CNTNAP4: variants seen among roughly 807,000 people sequenced by gnomAD.
CNTNAP4 encodes contactin associated protein family member 4, also known as contactin-associated protein-like 4.
In CNTNAP4, 98 loss-of-function variants were observed where a neutral mutation model predicts 148.4. The ratio of observed to expected loss-of-function variants is 0.66; its 90% CI spans 0.56 to 0.78. CNTNAP4 has a LOEUF of 0.78. Ranked by LOEUF, CNTNAP4 falls within the 30% of genes least tolerant of loss-of-function variation. The pLI, the probability that CNTNAP4 is intolerant of heterozygous loss-of-function variation, is 0.00. For synonymous variants in CNTNAP4, 730 were observed against 565.1 expected (o/e 1.29, Z -4.14); for missense variants, 1,935 against 1,565.6 (o/e 1.24, Z -3.98).
intron 12 of CNTNAP4, among the ~76,000 whole-genome samples, chr16:76,484,588 G>C (rs774142814): frequency 6.6e-6 from 1 of 152,250 alleles, no homozygotes; most frequent in African/African-American, 2.4e-5. Flanking sequence ...AATGGGGGAG[G>C]TTAAGTGTAG....
At chr16:76,349,655 GTAAT>G (rs1965210843) in intron 2 of CNTNAP4, among the ~76,000 whole-genome samples, 1 of 152,104 alleles carries the variant, frequency 6.6e-6, no homozygotes, top group Non-Finnish European at 1.5e-5. Context: ...TGAAAAAAAA[GTAAT>G]TATCTTGGAG....
intron 2 of CNTNAP4, among the ~76,000 whole-genome samples, chr16:76,328,727 C>T (rs1240064967): frequency 6.6e-6 from 1 of 152,026 alleles, no homozygotes; most frequent in Non-Finnish European, 1.5e-5. Flanking sequence ...CTCACTGCAA[C>T]CTCCGCCTCC....
chr16:76,409,159 G>A (rs2078705226), intron 3 of CNTNAP4, among the ~76,000 whole-genome samples: 1 of 151,834 alleles, frequency 6.6e-6, no homozygotes, highest in African/African-American at 2.4e-5. Context: ...TGTAAAATAA[G>A]CCCTAATACT....
intron 21 of CNTNAP4, among the ~76,000 whole-genome samples, chr16:76,542,027 G>A (rs2084482060): frequency 1.3e-5 from 2 of 152,130 alleles, no homozygotes; most frequent in Non-Finnish European, 2.9e-5. Flanking sequence ...ATGAAATGAC[G>A]ATTCTACTTT....
chr16:76,283,087 A>G (rs969331792), intron 1 of CNTNAP4, among the ~76,000 whole-genome samples: 3 of 151,924 alleles, frequency 2.0e-5, no homozygotes, highest in African/African-American at 7.2e-5. Context: ...TTGTGATGAG[A>G]TTCGTGATCA....
chr16:76,543,636 G>C (rs2084557895), intron 21 of CNTNAP4, among the ~76,000 whole-genome samples: 1 of 152,224 alleles, frequency 6.6e-6, no homozygotes, highest in African/African-American at 2.4e-5. Context: ...TGCAGTCTAA[G>C]AAAGATTTAG....
intron 2 of CNTNAP4, among the ~76,000 whole-genome samples, chr16:76,330,415 A>G (rs530247954): frequency 3.9e-5 from 6 of 152,316 alleles, no homozygotes; most frequent in African/African-American, 1.4e-4. Context: ...TCTTCAATAA[A>G]TAAAATTTAA....
intron 12 of CNTNAP4, among the ~76,000 whole-genome samples, chr16:76,486,648 G>A (rs186091932): frequency 6.6e-6 from 1 of 152,290 alleles, no homozygotes; most frequent in Non-Finnish European, 1.5e-5. Flanking sequence ...AGATTTAAAG[G>A]CTTATCTCCC....
intron 3 of CNTNAP4, among the ~76,000 whole-genome samples, chr16:76,376,242 T>C (rs1437297919): frequency 6.6e-6 from 1 of 152,144 alleles, no homozygotes; most frequent in Non-Finnish European, 1.5e-5. Flanking sequence ...TTATCAGCAA[T>C]TCAGCTAAAA....
chr16:76,296,818 C>T (rs1249269043), intron 1 of CNTNAP4, among the ~76,000 whole-genome samples: 1 of 152,156 alleles, frequency 6.6e-6, no homozygotes. Context: ...ATACCCCAAG[C>T]ATTGAGAAGA....
At chr16:76,396,019 G>C (rs574352097) in intron 3 of CNTNAP4, among the ~76,000 whole-genome samples, 7 of 152,298 alleles carry the variant, frequency 4.6e-5, no homozygotes, top group East Asian at 3.9e-4. Context: ...ATGAGCCACT[G>C]TGTCTAGCCT....
chr16:76,484,708 C>G (rs978141524), intron 12 of CNTNAP4, among the ~76,000 whole-genome samples: 2 of 152,130 alleles, frequency 1.3e-5, no homozygotes, highest in Non-Finnish European at 2.9e-5. Context: ...ATAGATCAAG[C>G]ACTGGTCTCT....
At chr16:76,528,617 A>G (rs1439966469) in intron 17 of CNTNAP4, among the ~76,000 whole-genome samples, 4 of 152,162 alleles carry the variant, frequency 2.6e-5, no homozygotes, top group Admixed American at 2.6e-4. Flanking sequence ...CAATGAGACC[A>G]CGTGAAAGAA....
chr16:76,404,262 A>C (rs895097012), intron 3 of CNTNAP4, among the ~76,000 whole-genome samples: 6 of 152,166 alleles, frequency 3.9e-5, no homozygotes, highest in Admixed American at 2.0e-4. Flanking sequence ...AAAGAAAAAA[A>C]CTAAAGTCAA....
Position 76,448,463 on chromosome 16 carries a change from G to C in CNTNAP4, c.742+248G>C, listed in dbSNP as rs148963683. ...GCTATTTTCTAACATCATAAAGGAA[G>C]GGATGGGTCATTGAAAAATGTTGAG... On this transcript the variant is annotated intron_variant, in intron 5 of 23. Coordinates refer to ENST00000611870, the MANE Select transcript of CNTNAP4 (RefSeq NM_033401.5). Among the ~76,000 whole-genome samples, 22 of 152,234 alleles carry C rather than the reference G, an allele frequency of 1.4e-4. 1 individual carries two copies. The highest frequency in any genetic ancestry group is 5.3e-4 in the African/African-American group (22 of 41,546).
intron 15 of CNTNAP4, among the ~76,000 whole-genome samples, chr16:76,503,781 T>C (rs2082738712): frequency 6.6e-6 from 1 of 152,046 alleles, no homozygotes; most frequent in Non-Finnish European, 1.5e-5. Flanking sequence ...ATGTGATGTT[T>C]GGTTTTTTGT....
At chr16:76,405,269 G>T (rs1406438106) in intron 3 of CNTNAP4, among the ~76,000 whole-genome samples, 1 of 152,094 alleles carries the variant, frequency 6.6e-6, no homozygotes, top group Non-Finnish European at 1.5e-5. Flanking sequence ...TGCGAGTATT[G>T]TAATTGTTTT....
chr16:76,497,933 C>T (rs2082460119), intron 14 of CNTNAP4, among the ~76,000 whole-genome samples: 1 of 152,118 alleles, frequency 6.6e-6, no homozygotes, highest in African/African-American at 2.4e-5. Flanking sequence ...AGACCTCAAA[C>T]TGCAGTATCA....
chr16:76,498,996 C>A (rs534311821), intron 15 of CNTNAP4, among the ~76,000 whole-genome samples: 3 of 151,290 alleles, frequency 2.0e-5, no homozygotes, highest in African/African-American at 4.9e-5. Flanking sequence ...TGTGAATGGA[C>A]ATAATGCAGT....
Sources: gnomAD v4.1 joint callset for allele counts (sites outside exome capture counted in the v4.1 genomes callset) on GRCh38, gnomAD v4.1.1 for gene constraint, MANE v1.5 for transcripts, NCBI Gene and HGNC (gene_info 2026-07-23, HGNC 2026-07-21) for gene names.